The following RAB27B variants were observed in gnomAD, a reference collection of about 807,000 sequenced individuals.
The protein encoded by RAB27B is ras-related protein Rab-27B.
A neutral mutation model predicts 24.6 loss-of-function variants in RAB27B; 15 were observed. The ratio of observed to expected loss-of-function variants is 0.61; its 90% CI spans 0.41 to 0.94. RAB27B has a LOEUF of 0.94. Among genes scored for constraint, RAB27B ranks in the 40% least tolerant of loss-of-function variants. The pLI is 0.00. For synonymous variants in RAB27B, 105 were observed against 92.5 expected (o/e 1.14, Z -0.78); for missense variants, 261 against 266.8 (o/e 0.98, Z 0.15).
chr18:54,800,706 C>T (rs575393461), intron 2 of RAB27B, among the ~76,000 whole-genome samples: 2 of 152,104 alleles, frequency 1.3e-5, no homozygotes, highest in Admixed American at 6.5e-5. Flanking sequence ...CCTTCCCAGC[C>T]CCAACTCTAA....
At chr18:54,885,394 C>T (rs1208608584) in intron 4 of RAB27B, among the ~76,000 whole-genome samples, 1 of 152,172 alleles carries the variant, frequency 6.6e-6, no homozygotes, top group Non-Finnish European at 1.5e-5. Context: ...CCTACAAGGT[C>T]ACTGTGATGA....
At chr18:54,807,005 G>C (rs147303749) in intron 2 of RAB27B, among the ~76,000 whole-genome samples, 1 of 152,178 alleles carries the variant, frequency 6.6e-6, no homozygotes, top group African/African-American at 2.4e-5. Flanking sequence ...AACTCAAGAG[G>C]TTCTCTTGCC....
chr18:54,723,636 A>G (rs984859110), intron 2 of RAB27B, among the ~76,000 whole-genome samples: 17 of 144,722 alleles, frequency 1.2e-4, no homozygotes, highest in African/African-American at 4.6e-4. Flanking sequence ...AGATAGACAT[A>G]GATAGATAGA....
At chr18:54,762,971 G>A (rs376122694) in intron 2 of RAB27B, among the ~76,000 whole-genome samples, 2 of 152,070 alleles carry the variant, frequency 1.3e-5, no homozygotes, top group African/African-American at 2.4e-5. Context: ...GTAAATTAAA[G>A]AAATTTATTT....
chr18:54,886,979 T>TCCTGC (rs1176537500), intron 4 of RAB27B, among the ~76,000 whole-genome samples: 2 of 147,744 alleles, frequency 1.4e-5, no homozygotes, highest in African/African-American at 5.0e-5. Context: ...ACCATGCCCT[T>TCCTGC]CCTGCCCTGC....
chr18:54,823,870 CT>C (rs1234305495), upstream of RAB27B, among the ~76,000 whole-genome samples: 1 of 152,078 alleles, frequency 6.6e-6, no homozygotes, highest in Admixed American at 6.5e-5. Context: ...GGTAATACAT[CT>C]CATAATTTAA....
chr18:54,796,626 G>T (rs1447337573), intron 2 of RAB27B, among the ~76,000 whole-genome samples: 1 of 152,128 alleles, frequency 6.6e-6, no homozygotes, highest in Non-Finnish European at 1.5e-5. Context: ...CAATCTGCTG[G>T]TGTCTATTGC....
chr18:54,778,725 T>C (rs1169057820), intron 2 of RAB27B, among the ~76,000 whole-genome samples: 9 of 152,194 alleles, frequency 5.9e-5, no homozygotes, highest in Non-Finnish European at 1.3e-4. Context: ...CTTCTTCCAA[T>C]AAAAATGATC....
chr18:54,779,664 G>C (rs1313351615), intron 2 of RAB27B, among the ~76,000 whole-genome samples: 3 of 152,120 alleles, frequency 2.0e-5, no homozygotes, highest in Non-Finnish European at 4.4e-5. Context: ...CTTCAGACCA[G>C]TGATATCAGC....
intron 2 of RAB27B, among the ~76,000 whole-genome samples, chr18:54,738,003 T>C (rs2145004356): frequency 6.6e-6 from 1 of 152,214 alleles, no homozygotes; most frequent in Non-Finnish European, 1.5e-5. Context: ...GTAGAAAATA[T>C]ATGCTACCTG....
At chr18:54,756,907 TA>T (rs1284731821) in intron 2 of RAB27B, among the ~76,000 whole-genome samples, 1 of 152,178 alleles carries the variant, frequency 6.6e-6, no homozygotes, top group Non-Finnish European at 1.5e-5. Context: ...TCATCTTAGT[TA>T]AAAATGTATA....
In RAB27B at chr18:54,816,745, T is replaced by C. The variant is rs1478129189; in HGVS notation, c.-19-60822T>C. ...GCCACAAATCCATTTTGTCCATTAA[T>C]GAGTTGTGGTGAGGCTAAGGGCAAA... On this transcript the variant is annotated intron_variant, in intron 2 of 4. Transcript: ENST00000586570. Among the ~76,000 whole-genome samples the C allele has an allele frequency of 2.0e-5, 3 of 152,138 alleles. No individual in the cohort carries two copies. In the East Asian group the frequency reaches 5.8e-4, roughly 29 times the overall value.
intron 2 of RAB27B, among the ~76,000 whole-genome samples, chr18:54,789,668 TATG>T (rs1909190673): frequency 6.6e-6 from 1 of 152,108 alleles, no homozygotes; most frequent in African/African-American, 2.4e-5. Flanking sequence ...AAAAAAACAA[TATG>T]ATGAGTGACT....
chr18:54,830,330 C>T (rs1288841002), intron 1 of RAB27B, among the ~76,000 whole-genome samples: 3 of 152,182 alleles, frequency 2.0e-5, no homozygotes, highest in Admixed American at 1.3e-4. Flanking sequence ...TAGAAACCTG[C>T]TCTTTTCCCA....
At chr18:54,803,343 G>A (rs1909669759) in intron 2 of RAB27B, among the ~76,000 whole-genome samples, 1 of 152,120 alleles carries the variant, frequency 6.6e-6, no homozygotes, top group Non-Finnish European at 1.5e-5. Context: ...AGGGGCATGA[G>A]GCTTGACAGA....
At chr18:54,833,651 A>G (rs1211124955) in intron 1 of RAB27B, among the ~76,000 whole-genome samples, 1 of 152,222 alleles carries the variant, frequency 6.6e-6, no homozygotes, top group African/African-American at 2.4e-5. Context: ...AACTTCTTTA[A>G]ATGAGAAAGA....
intron 2 of RAB27B, among the ~76,000 whole-genome samples, chr18:54,721,797 A>T (rs764450270): frequency 5.9e-5 from 9 of 152,224 alleles, no homozygotes; most frequent in Non-Finnish European, 1.0e-4. Context: ...TGTGATAAGG[A>T]ATGGCTTTGT....
intron 2 of RAB27B, among the ~76,000 whole-genome samples, chr18:54,788,405 T>C: frequency 6.6e-6 from 1 of 152,156 alleles, no homozygotes; most frequent in African/African-American, 2.4e-5. Flanking sequence ...TGGGTTCAAG[T>C]GATTCCTCTG....
chr18:54,838,602 T>C (rs1910986536), intron 1 of RAB27B, among the ~76,000 whole-genome samples: 1 of 152,206 alleles, frequency 6.6e-6, no homozygotes, highest in South Asian at 2.1e-4. Flanking sequence ...TTCTTTGTTA[T>C]GGATCCATCA....
Sources: allele counts gnomAD v4.1 joint callset (sites outside exome capture counted in the v4.1 genomes callset), GRCh38; gene constraint gnomAD v4.1.1; transcripts MANE v1.5; gene names NCBI Gene and HGNC (gene_info 2026-07-23, HGNC 2026-07-21).